Variants in SCN1A observed in about 807,000 individuals in gnomAD.
SCN1A encodes the protein sodium channel protein type 1 subunit alpha.
In SCN1A, 13 loss-of-function variants were observed where a neutral mutation model predicts 193.7. The observed-to-expected ratio is 0.07, with a 90% CI of 0.04 to 0.11. SCN1A has a LOEUF of 0.11. Among genes scored for constraint, SCN1A ranks in the 10% least tolerant of loss-of-function variants. The pLI, the probability that SCN1A is intolerant of heterozygous loss-of-function variation, is 1.00. For synonymous variants in SCN1A, 781 were observed against 843.6 expected, an observed-to-expected ratio of 0.93 and a Z score of 1.29; for missense variants, 1,432 against 2,451.1, an observed-to-expected ratio of 0.58 and a Z score of 8.78.
At chr2:166,065,717 T>C (rs1460888454) in intron 4 of SCN1A, among the ~76,000 whole-genome samples, 2 of 152,122 alleles carry the variant, frequency 1.3e-5, no homozygotes, top group African/African-American at 2.4e-5. Context: ...TATATAGCCT[T>C]CACTTAATGA....
intron 19 of SCN1A, among the ~76,000 whole-genome samples, chr2:166,028,584 T>C (rs77580037): frequency 0.014 from 2,191 of 152,308 alleles, 58 homozygotes; most frequent in African/African-American, 0.05. Context: ...TTTAGGTTTC[T>C]AATTTGTAAA....
intron 19 of SCN1A, among the ~76,000 whole-genome samples, chr2:166,026,746 T>C (rs13415464): frequency 2.8e-5 from 4 of 143,614 alleles, no homozygotes; most frequent in East Asian, 2.1e-4. Context: ...TGCAGTGGCG[T>C]GATCTCGGCT....
At chr2:166,066,915 C>T (rs1338408701) in intron 4 of SCN1A, among the ~76,000 whole-genome samples, 3 of 152,130 alleles carry the variant, frequency 2.0e-5, no homozygotes, top group Non-Finnish European at 4.4e-5. Context: ...GAAAGATCCC[C>T]TTTATCTAGC....
intron 2 of SCN1A, among the ~76,000 whole-genome samples, chr2:166,087,753 T>C (rs1269423510): frequency 2.6e-5 from 4 of 152,244 alleles, no homozygotes; most frequent in Non-Finnish European, 5.9e-5. Context: ...TGTTCATTTC[T>C]TTAATATTTA....
In SCN1A at chr2:166,002,560, A is replaced by C. The variant is rs1363740679; in HGVS notation, c.4196T>G (p.Leu1399Arg). The change falls in exon 24 of 29, where the codon CTA becomes CGA. Residue 1399 changes from leucine (L) to arginine (R), a missense_variant. By Grantham distance (102) the Leu-to-Arg change is moderately radical. Around this residue, in one of 18 missense-constraint regions of SCN1A, gnomAD observed 107 missense variants for 259.4 expected, o/e 0.41. Coordinates refer to ENST00000674923, the MANE Select transcript of SCN1A (RefSeq NM_001165963.4). ...DVNNHTDCLK[L>R]IERNETARWK... ...TCGAGCAGTCTCATTTCTTTCTATT[A>C]GTTTTAGGCAATCAGTATGATTATT... 2 of 1,611,864 alleles carry C rather than the reference A, an allele frequency of 1.2e-6. No homozygotes were observed. Among genetic ancestry groups the C allele is most frequent in the Non-Finnish European group, 1.7e-6 (2 of 1,178,658 alleles).
intron 2 of SCN1A, among the ~76,000 whole-genome samples, chr2:166,123,223 CA>C (rs57488795): frequency 8.6e-6 from 1 of 116,404 alleles, no homozygotes; most frequent in African/African-American, 3.4e-5. Flanking sequence ...CATTCATTTG[CA>C]AAAAAAAAAA....
intron 4 of SCN1A, among the ~76,000 whole-genome samples, chr2:166,063,088 T>C (rs1160244531): frequency 1.3e-5 from 2 of 152,114 alleles, no homozygotes; most frequent in African/African-American, 4.8e-5. Context: ...TTCAGGCACA[T>C]CTATGACTAT....
At chr2:165,994,650 A>AAAACAAACAAAC (rs140431192) in intron 27 of SCN1A, among the ~76,000 whole-genome samples, 9 of 150,986 alleles carry the variant, frequency 6.0e-5, no homozygotes, top group African/African-American at 2.2e-4. Context: ...GTTTCTGATA[A>AAAACAAACAAAC]AAACAAACAA....
At chr2:166,099,151 A>G (rs1038558208) in intron 2 of SCN1A, among the ~76,000 whole-genome samples, 1 of 152,200 alleles carries the variant, frequency 6.6e-6, no homozygotes, top group African/African-American at 2.4e-5. Flanking sequence ...GCACAAAAAC[A>G]GCTTATCCAC....
intron 2 of SCN1A, among the ~76,000 whole-genome samples, chr2:166,111,922 T>C (rs886137024): frequency 7.2e-5 from 11 of 152,122 alleles, no homozygotes; most frequent in African/African-American, 2.7e-4. Flanking sequence ...AATGTCATGA[T>C]AAAACCTTAA....
chr2:165,993,239 T>A (rs1293726657), intron 28 of SCN1A: 4 of 140,596 alleles, frequency 2.8e-5, no homozygotes, highest in African/African-American at 1.0e-4. Context: ...AGGAGACGTG[T>A]GAGAATACAA....
intron 4 of SCN1A, among the ~76,000 whole-genome samples, chr2:166,059,050 T>A (rs993868797): frequency 1.3e-5 from 2 of 152,170 alleles, no homozygotes; most frequent in Non-Finnish European, 2.9e-5. Flanking sequence ...TACATGCTTT[T>A]TATAGTCATT....
intron 19 of SCN1A, chr2:166,016,375 G>C (rs1409433757): frequency 6.6e-6 from 1 of 152,160 alleles, no homozygotes. Context: ...TGTAAAATGA[G>C]ATAAATAGTG....
chr2:166,145,526 A>ATT (rs1553468478), intron 1 of SCN1A, among the ~76,000 whole-genome samples: 1 of 56,844 alleles, frequency 1.8e-5, no homozygotes, highest in African/African-American at 1.4e-4. Flanking sequence ...TTGGAGAAAA[A>ATT]TTTGTGTGTG....
At chr2:166,095,884 G>A (rs1687322294) in intron 2 of SCN1A, among the ~76,000 whole-genome samples, 1 of 152,032 alleles carries the variant, frequency 6.6e-6, no homozygotes, top group Non-Finnish European at 1.5e-5. Flanking sequence ...TAGATAAATG[G>A]TAATTAATAT....
chr2:166,059,708 C>T (rs987649361), intron 4 of SCN1A, among the ~76,000 whole-genome samples: 2 of 152,140 alleles, frequency 1.3e-5, no homozygotes, highest in Non-Finnish European at 2.9e-5. Context: ...GGATGCATAT[C>T]TGCACAGATC....
chr2:166,012,551 G>T (rs192247870), intron 21 of SCN1A, among the ~76,000 whole-genome samples: 1 of 149,110 alleles, frequency 6.7e-6, no homozygotes, highest in Non-Finnish European at 1.5e-5. Context: ...TCCTGATGTG[G>T]CCATCCCAAC....
At chr2:166,034,597 AT>A (rs1696088413) in intron 19 of SCN1A, among the ~76,000 whole-genome samples, 1 of 152,218 alleles carries the variant, frequency 6.6e-6, no homozygotes, top group South Asian at 2.1e-4. Flanking sequence ...CTCCTTGTTA[AT>A]TATCTTATAT....
intron 19 of SCN1A, among the ~76,000 whole-genome samples, chr2:166,030,309 C>T (rs1841547): frequency 0.74 from 112,074 of 151,924 alleles, 41,728 homozygotes; most frequent in East Asian, 0.89. Flanking sequence ...GTGTGTCTTA[C>T]GGCATAAAGA....
Sources: gnomAD v4.1 joint callset for allele counts (sites outside exome capture counted in the v4.1 genomes callset) on GRCh38, gnomAD v4.1.1 for gene constraint, gnomAD v4.1.1 regional missense constraint, MANE v1.5 for transcripts, NCBI Gene and HGNC (gene_info 2026-07-23, HGNC 2026-07-21) for gene names.